ADAMTS17: variants seen among roughly 807,000 people sequenced by gnomAD.
The protein encoded by ADAMTS17 is A disintegrin and metalloproteinase with thrombospondin motifs 17.
ADAMTS17 carries 113 observed loss-of-function variants against 141.5 expected under a neutral mutation model. The observed-to-expected ratio is 0.80, with a 90% CI of 0.69 to 0.93. ADAMTS17 has a LOEUF of 0.93. ADAMTS17 is among the 40% of genes least tolerant of loss of function. The pLI, the probability that ADAMTS17 is intolerant of heterozygous loss-of-function variation, is 0.00. For missense variants in ADAMTS17, 1,659 were observed against 1,517.9 expected (o/e 1.09, Z -1.54); for synonymous variants, 768 against 630.6 (o/e 1.22, Z -3.27).
intron 15 of ADAMTS17, among the ~76,000 whole-genome samples, chr15:100,058,308 C>T (rs75288193): frequency 0.034 from 644 of 19,154 alleles, 52 homozygotes; most frequent in African/African-American, 0.048. Flanking sequence ...GCTCTAACAC[C>T]CCTATCCCGG....
At chr15:100,060,034 C>A (rs960884008) in intron 15 of ADAMTS17, among the ~76,000 whole-genome samples, 1 of 152,182 alleles carries the variant, frequency 6.6e-6, no homozygotes, top group Non-Finnish European at 1.5e-5. Context: ...ACCCAGAAAG[C>A]ACTCCATGGG....
intron 15 of ADAMTS17, among the ~76,000 whole-genome samples, chr15:100,079,021 C>T (rs920259277): frequency 1.3e-5 from 2 of 152,176 alleles, no homozygotes; most frequent in African/African-American, 4.8e-5. Flanking sequence ...GGACATACCA[C>T]ATTGTACCCA....
rs560186905 is a variant in ADAMTS17 at position 100,098,617 on chromosome 15, T to G, written c.2017-2141A>C. On this transcript the variant is annotated intron_variant, in intron 14 of 21. Coordinates refer to ENST00000268070, the MANE Select transcript of ADAMTS17 (RefSeq NM_139057.4). ...GGCGGAGGTTGCAGTGAGCTGAGAT[T>G]GCGCCACTGCACTCCAGCCTGGGCA... Among the ~76,000 whole-genome samples, 47 of 150,820 alleles carry G rather than the reference T, an allele frequency of 3.1e-4. 1 individual carries two copies. Among genetic ancestry groups the G allele is most frequent in the African/African-American group, 1.1e-3 (45 of 40,942 alleles).
At chr15:100,000,341 C>A (rs1038652152) in intron 18 of ADAMTS17, among the ~76,000 whole-genome samples, 1 of 152,162 alleles carries the variant, frequency 6.6e-6, no homozygotes, top group Non-Finnish European at 1.5e-5. Context: ...TTTAAGTTTT[C>A]TCTTCTTTTG....
intron 15 of ADAMTS17, among the ~76,000 whole-genome samples, chr15:100,054,312 T>C (rs1263421104): frequency 1.3e-5 from 2 of 152,150 alleles, no homozygotes; most frequent in Non-Finnish European, 2.9e-5. Flanking sequence ...CAGCCTGGGC[T>C]TCTGTCTCAA....
chr15:100,289,649 A>G (rs1341481732), intron 3 of ADAMTS17, among the ~76,000 whole-genome samples: 1 of 152,200 alleles, frequency 6.6e-6, no homozygotes, highest in African/African-American at 2.4e-5. Context: ...CCAGCAACAC[A>G]TCAAAACCTA....
chr15:100,091,954 G>C (rs1410768320), intron 15 of ADAMTS17, among the ~76,000 whole-genome samples: 1 of 152,172 alleles, frequency 6.6e-6, no homozygotes, highest in African/African-American at 2.4e-5. Flanking sequence ...CGTGAGGCTA[G>C]ACTGTGCCTT....
At chr15:100,141,506 G>A (rs951114614) in intron 10 of ADAMTS17, among the ~76,000 whole-genome samples, 5 of 152,216 alleles carry the variant, frequency 3.3e-5, no homozygotes, top group African/African-American at 1.2e-4. Context: ...AGAGCTGGAT[G>A]AAAAAGTGAC....
intron 3 of ADAMTS17, among the ~76,000 whole-genome samples, chr15:100,321,863 A>G (rs55893964): frequency 9.3e-4 from 142 of 152,362 alleles, no homozygotes; most frequent in African/African-American, 3.2e-3. Flanking sequence ...GAACACAACA[A>G]TTAGAAAATA....
chr15:100,254,060 C>T (rs539655666), intron 7 of ADAMTS17, 76 bp downstream of exon 7: 4 of 1,411,106 alleles, frequency 2.8e-6, no homozygotes, highest in Non-Finnish European at 4.0e-6. Context: ...ACAGCTCCTC[C>T]ACTGTGACCA....
chr15:100,258,622 C>G (rs1427544665), intron 6 of ADAMTS17, among the ~76,000 whole-genome samples: 2 of 151,664 alleles, frequency 1.3e-5, no homozygotes, highest in East Asian at 3.9e-4. Flanking sequence ...CTTCACGATC[C>G]CGAGAACAGC....
chr15:100,325,970 A>G (rs1223260462), intron 3 of ADAMTS17, among the ~76,000 whole-genome samples: 1 of 152,152 alleles, frequency 6.6e-6, no homozygotes, highest in East Asian at 1.9e-4. Context: ...CTCCAGAACT[A>G]TGAATAATAA....
chr15:100,043,853 C>T (rs1440039153), intron 18 of ADAMTS17, among the ~76,000 whole-genome samples: 1 of 152,272 alleles, frequency 6.6e-6, no homozygotes, highest in Non-Finnish European at 1.5e-5. Context: ...GGCAACACGG[C>T]AGGACTGTGG....
intron 15 of ADAMTS17, among the ~76,000 whole-genome samples, chr15:100,089,081 A>G (rs1251718444): frequency 6.6e-6 from 1 of 152,086 alleles, no homozygotes; most frequent in Non-Finnish European, 1.5e-5. Flanking sequence ...AATTTTTGCA[A>G]TCTACTCATC....
At chr15:100,070,400 C>T (rs1354567993) in intron 15 of ADAMTS17, among the ~76,000 whole-genome samples, 1 of 150,246 alleles carries the variant, frequency 6.7e-6, no homozygotes, top group African/African-American at 2.5e-5. Context: ...ACCTAATAGA[C>T]ATCTATAGAA....
intron 12 of ADAMTS17, among the ~76,000 whole-genome samples, chr15:100,130,487 T>C (rs1028521583): frequency 6.6e-6 from 1 of 152,186 alleles, no homozygotes; most frequent in African/African-American, 2.4e-5. Context: ...TCTTATAGCA[T>C]TGCTGGGAAA....
In ADAMTS17 at chr15:100,178,962, T is replaced by C. The variant is rs569094509; in HGVS notation, c.1181+20356A>G. Reference sequence around the variant, plus strand: ...CAATACATTGTTCCCAATTTTTTTTTCCTAATTTCTGTGGGTACATAGTAG... The same window carrying C: ...CAATACATTGTTCCCAATTTTTTTTCCCTAATTTCTGTGGGTACATAGTAG... On this transcript the variant is annotated intron_variant, in intron 8 of 21. Transcript: ENST00000268070. Among the ~76,000 whole-genome samples the C allele has an allele frequency of 5.3e-5, 8 of 152,320 alleles. No individual in the cohort carries two copies. In the South Asian group the frequency reaches 1.0e-3, roughly 20 times the overall value.
In ADAMTS17 at chr15:100,152,660, C is replaced by A. The variant is rs1292952222; in HGVS notation, c.1425G>T (p.Gln475His). Reference sequence around the variant, plus strand: ...CATTCATGCCAAACAGGATCTGGCACTGCTCGTTGGCACTGTAGTGCATGC... The same window carrying A: ...CATTCATGCCAAACAGGATCTGGCAATGCTCGTTGGCACTGTAGTGCATGC... ...LPGMHYSANE[Q>H]CQILFGMNAT... is the part of the protein sequence containing the mutation. The change falls in exon 10 of 22, where the codon CAG becomes CAT. Residue 475 changes from glutamine (Q) to histidine (H), a missense_variant. Physicochemically the swap from Gln to His is conservative, Grantham distance 24. Coordinates refer to ENST00000268070, the MANE Select transcript of ADAMTS17 (RefSeq NM_139057.4). 1 of 1,614,164 alleles carries A rather than the reference C, an allele frequency of 6.2e-7. No homozygotes were observed. Among genetic ancestry groups the A allele is most frequent in the East Asian group, 2.2e-5 (1 of 44,866 alleles).
At chr15:100,279,104 C>CCAGCCA (rs1567476798) in intron 4 of ADAMTS17, among the ~76,000 whole-genome samples, 1 of 152,162 alleles carries the variant, frequency 6.6e-6, no homozygotes, top group African/African-American at 2.4e-5. Flanking sequence ...GTGTCCTTGC[C>CCAGCCA]CAGCCACAGC....
Sources: gnomAD v4.1 joint callset for allele counts (sites outside exome capture counted in the v4.1 genomes callset) on GRCh38, gnomAD v4.1.1 for gene constraint, MANE v1.5 for transcripts, NCBI Gene and HGNC (gene_info 2026-07-23, HGNC 2026-07-21) for gene names.